The following SNX29 variants were observed in gnomAD, a reference collection of about 807,000 sequenced individuals.
SNX29 encodes sorting nexin-29.
SNX29 carries 78 observed loss-of-function variants against 102.1 expected under a neutral mutation model. That is an observed-to-expected ratio of 0.76 (90% CI 0.64 to 0.92). The LOEUF (loss-of-function observed/expected upper bound fraction) is 0.92, where lower values mean the gene tolerates loss of function less well. SNX29 is among the 40% of genes least tolerant of loss of function. The probability of loss-of-function intolerance (pLI) is 0.00; values close to 1 mark genes in which losing one functional copy is unlikely to be tolerated. For synonymous variants in SNX29, 580 were observed against 414.5 expected (o/e 1.40, Z -4.85); for missense variants, 1,280 against 1,061.7 (o/e 1.21, Z -2.86).
intron 4 of SNX29, among the ~76,000 whole-genome samples, chr16:12,036,334 C>CTT (rs1217078180): frequency 6.4e-5 from 5 of 78,498 alleles, no homozygotes; most frequent in East Asian, 2.6e-4. Flanking sequence ...TTCTTTCTTT[C>CTT]TTTTTTTTTT....
intron 19 of SNX29, among the ~76,000 whole-genome samples, chr16:12,522,992 T>G (rs2090157292): frequency 6.6e-6 from 1 of 152,138 alleles, no homozygotes; most frequent in Non-Finnish European, 1.5e-5. Context: ...TTCAATTTTT[T>G]ATAGAGATTG....
chr16:12,252,651 C>T (rs1372835794), intron 14 of SNX29, among the ~76,000 whole-genome samples: 1 of 152,242 alleles, frequency 6.6e-6, no homozygotes, highest in Non-Finnish European at 1.5e-5. Flanking sequence ...ACCAGGTGAC[C>T]TCCTGTCACC....
chr16:12,362,365 G>A (rs1169051903), intron 16 of SNX29, among the ~76,000 whole-genome samples: 2 of 152,084 alleles, frequency 1.3e-5, no homozygotes, highest in Non-Finnish European at 2.9e-5. Flanking sequence ...CAGGACTCTT[G>A]GGGCTTTGGA....
At chr16:12,158,014 A>T (rs1345639076) in intron 13 of SNX29, among the ~76,000 whole-genome samples, 2 of 151,870 alleles carry the variant, frequency 1.3e-5, no homozygotes, top group Non-Finnish European at 2.9e-5. Context: ...AGCATCTGGT[A>T]TAAGTTCTCA....
At chr16:12,199,549 C>T in intron 13 of SNX29, 52 bp from the exon 14 acceptor site, 3 of 1,519,456 alleles carry the variant, frequency 2.0e-6, no homozygotes, top group Non-Finnish European at 2.7e-6. Context: ...TCCTGTGGGT[C>T]CACATTGTCA....
At chr16:12,047,224 C>T (rs1172418087) in intron 6 of SNX29, among the ~76,000 whole-genome samples, 1 of 152,058 alleles carries the variant, frequency 6.6e-6, no homozygotes, top group Non-Finnish European at 1.5e-5. Context: ...ATGGAGAGAC[C>T]CTGGGTTGAT....
chr16:12,566,092 C>G (rs140833797), intron 20 of SNX29, among the ~76,000 whole-genome samples: 1 of 152,250 alleles, frequency 6.6e-6, no homozygotes, highest in Non-Finnish European at 1.5e-5. Context: ...CCCCATGATG[C>G]TTAAAACCAC....
chr16:12,310,827 G>A (rs944929377), intron 15 of SNX29, among the ~76,000 whole-genome samples: 1 of 152,174 alleles, frequency 6.6e-6, no homozygotes, highest in African/African-American at 2.4e-5. Context: ...GGCAAGGTGG[G>A]AACTGCCCAG....
chr16:12,554,134 C>T (rs1179772953), intron 20 of SNX29, among the ~76,000 whole-genome samples: 1 of 152,240 alleles, frequency 6.6e-6, no homozygotes, highest in Non-Finnish European at 1.5e-5. Context: ...AGCCTGGATG[C>T]TTTGCTCTTT....
intron 20 of SNX29, among the ~76,000 whole-genome samples, chr16:12,562,787 C>T (rs943191868): frequency 1.3e-5 from 2 of 152,276 alleles, no homozygotes; most frequent in South Asian, 2.1e-4. Context: ...TTAGCCATCA[C>T]CATCAAGATG....
chr16:12,554,274 T>G (rs531542206), intron 20 of SNX29, among the ~76,000 whole-genome samples: 1 of 152,360 alleles, frequency 6.6e-6, no homozygotes, highest in South Asian at 2.1e-4. Context: ...TGCATCTGTG[T>G]ATACATGGGT....
At chr16:12,293,024 C>G (rs1490534646) in intron 15 of SNX29, among the ~76,000 whole-genome samples, 2 of 152,194 alleles carry the variant, frequency 1.3e-5, no homozygotes, top group East Asian at 3.8e-4. Context: ...TTATTTAAAT[C>G]TAAATTAATA....
intron 20 of SNX29, chr16:12,560,763 T>TTTACCCTCTGTGCTTTATTTTC (rs1379307149): frequency 1.2e-5 from 2 of 173,706 alleles, no homozygotes; most frequent in African/African-American, 4.7e-5. Context: ...AGCCATAGGA[T>TTTACCCTCTGTGCTTTATTTTC]TTACCCTCTG....
intron 18 of SNX29, among the ~76,000 whole-genome samples, chr16:12,416,138 G>C (rs1351776750): frequency 6.6e-6 from 1 of 152,154 alleles, no homozygotes; most frequent in Non-Finnish European, 1.5e-5. Flanking sequence ...CCCAGAACTG[G>C]GCAGGCTGTG....
At chr16:12,250,464 G>C (rs2078389106) in intron 14 of SNX29, among the ~76,000 whole-genome samples, 1 of 152,180 alleles carries the variant, frequency 6.6e-6, no homozygotes, top group Non-Finnish European at 1.5e-5. Context: ...GGTGTTAGCT[G>C]ACCAGAAGCA....
chr16:12,076,222 C>G (rs2151327293), intron 10 of SNX29, among the ~76,000 whole-genome samples: 1 of 152,176 alleles, frequency 6.6e-6, no homozygotes, highest in East Asian at 1.9e-4. Context: ...GATGCAAATG[C>G]AGAAATCACC....
At chr16:12,168,595 C>T (rs1338446463) in intron 13 of SNX29, among the ~76,000 whole-genome samples, 4 of 152,146 alleles carry the variant, frequency 2.6e-5, no homozygotes, top group South Asian at 2.1e-4. Context: ...GTGCCTTGGC[C>T]GTAGCACAGG....
chr16:12,283,531 G>A (rs1296689328), intron 15 of SNX29, among the ~76,000 whole-genome samples: 2 of 152,048 alleles, frequency 1.3e-5, no homozygotes, highest in East Asian at 3.9e-4. Flanking sequence ...ATGTTGGTCA[G>A]GATGGTCTTG....
intron 1 of SNX29, among the ~76,000 whole-genome samples, chr16:11,984,818 C>T (rs1403953129): frequency 6.6e-6 from 1 of 152,082 alleles, no homozygotes; most frequent in Non-Finnish European, 1.5e-5. Context: ...CCACACCCGT[C>T]TAACTTTTTC....
Sources: allele counts gnomAD v4.1 joint callset (sites outside exome capture counted in the v4.1 genomes callset), GRCh38; gene constraint gnomAD v4.1.1; transcripts MANE v1.5; gene names NCBI Gene and HGNC (gene_info 2026-07-23, HGNC 2026-07-21).